The following UGT1A5 variants were observed in gnomAD, a reference collection of about 807,000 sequenced individuals.
The protein encoded by UGT1A5 is UDP-glucuronosyltransferase 1A5.
Under a neutral mutation model 40.3 loss-of-function variants are expected in UGT1A5, and 29 were observed. The observed-to-expected ratio is 0.72, with a 90% CI of 0.54 to 0.98. The LOEUF is 0.98. Among genes scored for constraint, UGT1A5 ranks in the 50% least tolerant of loss-of-function variants. The pLI is 0.00. For synonymous variants in UGT1A5, 257 were observed against 262.5 expected, an observed-to-expected ratio of 0.98 and a Z score of 0.20; for missense variants, 678 against 677.9, an observed-to-expected ratio of 1.00 and a Z score of 0.00.
chr2:233,758,754 A>T (rs888171679), intron 1 of UGT1A5, among the ~76,000 whole-genome samples: 16 of 152,250 alleles, frequency 1.1e-4, no homozygotes, highest in Middle Eastern at 6.8e-3. Flanking sequence ...CTGGCCAGTG[A>T]TGTGTATGGT....
intron 1 of UGT1A5, chr2:233,760,619 A>G: frequency 6.2e-7 from 1 of 1,614,198 alleles, no homozygotes; most frequent in Non-Finnish European, 8.5e-7. Flanking sequence ...CGTGTGATCA[A>G]AACATACAAG....
chr2:233,768,154 C>T (rs767452412), intron 3 of UGT1A5, 66 bp from the exon 4 acceptor site: 203 of 1,612,642 alleles, frequency 1.3e-4, no homozygotes, highest in Non-Finnish European at 1.7e-4. Flanking sequence ...TTTTCAGAAC[C>T]TAGATGTGTC....
At chr2:233,752,070 A>G (rs1694888070) in intron 1 of UGT1A5, among the ~76,000 whole-genome samples, 1 of 152,244 alleles carries the variant, frequency 6.6e-6, no homozygotes, top group Non-Finnish European at 1.5e-5. Flanking sequence ...GAGATGGGGA[A>G]GTCTCTCTAC....
Position 233,745,964 on chromosome 2 carries a change from C to T in UGT1A5, c.868-21070C>T, listed in dbSNP as rs543022659. Among the ~76,000 whole-genome samples, 31 of 151,710 alleles carry T rather than the reference C, an allele frequency of 2.0e-4. No homozygotes were observed. In the South Asian group the frequency reaches 6.4e-3, roughly 32 times the overall value. The stretch of plus-strand genomic sequence containing the variant: ...GGGTTGGGCAACTGGGGGACAGGGG[C>T]CCTGAAATGGGACCATGACAGCTGG... On this transcript the variant is annotated intron_variant, in intron 1 of 4. Transcript: ENST00000373414.
At chr2:233,747,945 G>C in intron 1 of UGT1A5, 1 of 1,613,482 alleles carries the variant, frequency 6.2e-7, no homozygotes, top group African/African-American at 1.3e-5. Flanking sequence ...GGAGGTGTCA[G>C]TGGTGGATCT....
At chr2:233,738,545 C>T (rs1690821888) in intron 1 of UGT1A5, among the ~76,000 whole-genome samples, 1 of 152,164 alleles carries the variant, frequency 6.6e-6, no homozygotes, top group South Asian at 2.1e-4. Flanking sequence ...GGCTGAGTCT[C>T]AGATAGAGAT....
rs181518181 is a variant in UGT1A5 at position 233,744,372 on chromosome 2, A to G, written c.868-22662A>G. ...AAGACATCCTGTTGTTTAGGACTGC[A>G]GTTCTCCAACGTTCCAGCCCCGGTG... On this transcript the variant is annotated intron_variant, in intron 1 of 4. Transcript: ENST00000373414. Among the ~76,000 whole-genome samples the G allele has an allele frequency of 2.4e-4, 37 of 152,006 alleles. 1 individual carries two copies. Among genetic ancestry groups the G allele is most frequent in the South Asian group, 4.1e-4 (2 of 4,828 alleles).
chr2:233,725,073 G>A (rs1490927388), intron 1 of UGT1A5, among the ~76,000 whole-genome samples: 1 of 145,046 alleles, frequency 6.9e-6, no homozygotes, highest in Non-Finnish European at 1.5e-5. Context: ...TGCAATCGCA[G>A]GCACTCGGCA....
At chr2:233,726,556 C>T (rs1390760024) in intron 1 of UGT1A5, among the ~76,000 whole-genome samples, 1 of 152,180 alleles carries the variant, frequency 6.6e-6, no homozygotes, top group Non-Finnish European at 1.5e-5. Flanking sequence ...CTTCAAGTCT[C>T]CCACTCTTAC....
intron 1 of UGT1A5, among the ~76,000 whole-genome samples, chr2:233,759,217 A>T (rs1421776019): frequency 1.3e-5 from 2 of 152,292 alleles, no homozygotes; most frequent in East Asian, 3.9e-4. Flanking sequence ...AGGTCCATTT[A>T]TGCAAATGAA....
intron 1 of UGT1A5, among the ~76,000 whole-genome samples, chr2:233,724,141 C>T (rs1432728282): frequency 6.1e-5 from 7 of 115,170 alleles, no homozygotes; most frequent in African/African-American, 2.0e-4. Context: ...CCGGACGGGG[C>T]GGCTGGCCGG....
Position 233,725,179 on chromosome 2 carries a change from GAGAGGCAGAGGCAGAGGC to G in UGT1A5, c.867+11345_867+11362del, listed in dbSNP as rs879478240. ...CTCTGCATGAGAGGGAGACCGTGGG[GAGAGGCAGAGGCAGAGGC>G]AGAGGCAGAGGCAGAGGCAGAGGAG... On this transcript the variant is annotated intron_variant, in intron 1 of 4. Coordinates refer to ENST00000373414, the MANE Select transcript of UGT1A5 (RefSeq NM_019078.2). 4.4e-5 allele frequency among the ~76,000 whole-genome samples: 3 copies of G among 67,606 alleles called. 1 individual carries two copies. The highest frequency in any genetic ancestry group is 1.5e-4 in the Admixed American group (1 of 6,876). The allele number at this position is 67,606 out of a possible 152,430, so 44.4% of individuals were successfully genotyped here.
chr2:233,765,570 C>A (rs371639452), intron 1 of UGT1A5, among the ~76,000 whole-genome samples: 1 of 151,792 alleles, frequency 6.6e-6, no homozygotes, highest in Non-Finnish European at 1.5e-5. Flanking sequence ...AATGCGTAGA[C>A]GCAGGGAGGG....
intron 1 of UGT1A5, among the ~76,000 whole-genome samples, chr2:233,762,648 C>T (rs564771250): frequency 6.6e-6 from 1 of 151,468 alleles, no homozygotes; most frequent in African/African-American, 2.4e-5. Context: ...AAAAGATAAG[C>T]TATTTTGTAG....
chr2:233,768,426 A>G lies in UGT1A5; in HGVS notation c.1294A>G (p.Ile432Val), dbSNP rs1699609546. 6.2e-7 allele frequency: 1 copy of G among 1,614,122 alleles called. No homozygotes were observed. Among genetic ancestry groups the G allele is most frequent in the African/African-American group, 1.3e-5 (1 of 75,056 alleles). The change falls in exon 4 of 5, where the codon ATC (isoleucine) becomes GTC (valine). Residue 432 changes from isoleucine (I) to valine (V), a missense_variant. By Grantham distance (29) the Ile-to-Val change is conservative. Transcript: ENST00000373414. ...EDLENALKAVINDKSYKENIM... is the reference protein window; with the variant it reads ...EDLENALKAVVNDKSYKENIM... ...TTTAGAAAATGCTCTAAAAGCAGTC[A>G]TCAATGACAAAAGGTAAGAAAGAAG...
intron 1 of UGT1A5, among the ~76,000 whole-genome samples, chr2:233,766,212 G>A (rs1479826907): frequency 6.6e-6 from 1 of 152,186 alleles, no homozygotes; most frequent in Non-Finnish European, 1.5e-5. Context: ...GGGGAAGCCA[G>A]AAGGGGATGG....
Position 233,772,833 on chromosome 2 carries a change from T to A in UGT1A5, c.*274T>A. The A allele has an allele frequency of 1.1e-6, 1 of 879,514 alleles. No homozygotes were observed. Among genetic ancestry groups the A allele is most frequent in the Non-Finnish European group, 1.6e-6 (1 of 630,664 alleles). The allele number at this position is 879,514 out of a possible 1,614,324, so 54.5% of individuals were successfully genotyped here. A position where few individuals can be genotyped will look rare whatever the true frequency, so the allele number is the denominator to read the frequency against. ...AGGACGTGCAGACAGGCTGGCATTC[T>A]AGATTACTTTTCTTACTCTGAAACA... On this transcript the variant is annotated 3_prime_UTR_variant, in exon 5 of 5. Coordinates refer to ENST00000373414, the MANE Select transcript of UGT1A5 (RefSeq NM_019078.2).
chr2:233,753,876 C>A (rs1268305886), intron 1 of UGT1A5, among the ~76,000 whole-genome samples: 2 of 152,192 alleles, frequency 1.3e-5, no homozygotes, highest in Non-Finnish European at 1.5e-5. Context: ...AAGGTCTGTC[C>A]TCAGCCTTCA....
Position 233,768,248 on chromosome 2 carries a change from C to A in UGT1A5, c.1116C>A (p.Thr372=). The change falls in exon 4 of 5, where the codon ACC becomes ACA. Residue 372 remains threonine, a synonymous_variant. Transcript: ENST00000373414. ...LGHPMTRAFI[T]HAGSHGVYES... is the part of the protein sequence containing the mutation. Reference sequence around the variant, plus strand: ...ACCCGATGACCCGTGCCTTTATCACCCATGCTGGTTCCCATGGTGTTTATG... The same window carrying A: ...ACCCGATGACCCGTGCCTTTATCACACATGCTGGTTCCCATGGTGTTTATG... 1 of 1,614,138 alleles carries A rather than the reference C, an allele frequency of 6.2e-7. No homozygotes were observed. The highest frequency in any genetic ancestry group is 1.1e-5 in the South Asian group (1 of 91,084).
Sources: allele counts gnomAD v4.1 joint callset (sites outside exome capture counted in the v4.1 genomes callset), GRCh38; gene constraint gnomAD v4.1.1; transcripts MANE v1.5; gene names NCBI Gene and HGNC (gene_info 2026-07-23, HGNC 2026-07-21).